The following CDH12 variants were observed in gnomAD, a reference collection of about 807,000 sequenced individuals.
CDH12 encodes the protein cadherin-12.
A neutral mutation model predicts 74.1 loss-of-function variants in CDH12; 41 were observed. The observed-to-expected ratio is 0.55, with a 90% CI of 0.43 to 0.72. CDH12 has a LOEUF of 0.72. Ranked by LOEUF, CDH12 falls within the 30% of genes least tolerant of loss-of-function variation. The pLI is 0.00. For missense variants in CDH12, 945 were observed against 977.2 expected, an observed-to-expected ratio of 0.97 and a Z score of 0.44; for synonymous variants, 399 against 355.0, an observed-to-expected ratio of 1.12 and a Z score of -1.39.
chr5:22,186,083 G>T (rs1580373428), intron 4 of CDH12, among the ~76,000 whole-genome samples: 1 of 152,148 alleles, frequency 6.6e-6, no homozygotes, highest in Admixed American at 6.5e-5. Flanking sequence ...CTCCTTAAGT[G>T]CCCTTGAGTA....
chr5:22,708,462 T>C (rs73742183), intron 1 of CDH12, among the ~76,000 whole-genome samples: 2,901 of 152,188 alleles, frequency 0.019, 86 homozygotes, highest in African/African-American at 0.066. Flanking sequence ...TGCAAAAGGA[T>C]TGACCACACT....
chr5:22,768,111 T>C (rs1202535109), intron 1 of CDH12, among the ~76,000 whole-genome samples: 1 of 152,020 alleles, frequency 6.6e-6, no homozygotes, highest in East Asian at 1.9e-4. Context: ...AGAAAGATGG[T>C]ACTCAAATCA....
intron 3 of CDH12, among the ~76,000 whole-genome samples, chr5:22,385,511 A>G (rs897090442): frequency 6.6e-6 from 1 of 152,176 alleles, no homozygotes; most frequent in Non-Finnish European, 1.5e-5. Context: ...TATTTTCACA[A>G]CCTCAACATT....
At chr5:22,685,945 T>C (rs1741774651) in intron 1 of CDH12, among the ~76,000 whole-genome samples, 1 of 152,202 alleles carries the variant, frequency 6.6e-6, no homozygotes, top group African/African-American at 2.4e-5. Context: ...GTAGTAATTA[T>C]AGTTGGCATA....
chr5:22,271,810 G>C (rs1344802432), intron 3 of CDH12, among the ~76,000 whole-genome samples: 2 of 151,590 alleles, frequency 1.3e-5, no homozygotes, highest in South Asian at 2.1e-4. Flanking sequence ...TTTCTGAGCA[G>C]TGGGTCTCAA....
intron 3 of CDH12, among the ~76,000 whole-genome samples, chr5:22,214,662 A>C (rs938990924): frequency 2.0e-5 from 3 of 152,150 alleles, no homozygotes; most frequent in Admixed American, 2.0e-4. Context: ...AAAACTTATT[A>C]AAACGTTAAG....
intron 6 of CDH12, among the ~76,000 whole-genome samples, chr5:21,908,968 T>A (rs1753753653): frequency 6.6e-6 from 1 of 152,194 alleles, no homozygotes; most frequent in Non-Finnish European, 1.5e-5. Context: ...TCTGATTTAA[T>A]GGTATTCTGG....
At chr5:22,650,959 T>C (rs1417575222) in intron 1 of CDH12, among the ~76,000 whole-genome samples, 3 of 152,054 alleles carry the variant, frequency 2.0e-5, no homozygotes, top group Non-Finnish European at 4.4e-5. Context: ...TGTAGGTTTT[T>C]ATTGTTACTA....
intron 1 of CDH12, among the ~76,000 whole-genome samples, chr5:22,602,465 G>T (rs1736897710): frequency 6.6e-6 from 1 of 152,052 alleles, no homozygotes; most frequent in South Asian, 2.1e-4. Context: ...CTTGCTTGTT[G>T]TTTTATCATT....
intron 3 of CDH12, among the ~76,000 whole-genome samples, chr5:22,403,807 G>T (rs1380561212): frequency 6.6e-6 from 1 of 152,094 alleles, no homozygotes; most frequent in Non-Finnish European, 1.5e-5. Context: ...TTCAGGCTTA[G>T]ATATCTGCAA....
At chr5:22,306,571 A>C (rs1212454922) in intron 3 of CDH12, among the ~76,000 whole-genome samples, 1 of 152,152 alleles carries the variant, frequency 6.6e-6, no homozygotes, top group Non-Finnish European at 1.5e-5. Flanking sequence ...AATATGCAAA[A>C]TGTAGCTAAT....
intron 3 of CDH12, among the ~76,000 whole-genome samples, chr5:22,263,994 C>T (rs960101172): frequency 6.6e-6 from 1 of 151,748 alleles, no homozygotes; most frequent in Non-Finnish European, 1.5e-5. Flanking sequence ...ACATACTTCC[C>T]TACCATTAGA....
intron 2 of CDH12, among the ~76,000 whole-genome samples, chr5:22,470,012 G>C (rs184573310): frequency 4.0e-4 from 61 of 152,086 alleles, no homozygotes; most frequent in Admixed American, 3.4e-3. Flanking sequence ...GAACTCTTAA[G>C]ACAAGAAAAT....
intron 6 of CDH12, among the ~76,000 whole-genome samples, chr5:21,915,885 A>T (rs1754069316): frequency 6.6e-6 from 1 of 150,386 alleles, no homozygotes; most frequent in Non-Finnish European, 1.5e-5. Context: ...GAAGTGAACA[A>T]TATAAGGGTT....
At chr5:22,400,511 A>T (rs1351704743) in intron 3 of CDH12, among the ~76,000 whole-genome samples, 6 of 152,010 alleles carry the variant, frequency 3.9e-5, no homozygotes, top group Admixed American at 3.9e-4. Flanking sequence ...CCCAGGCTGA[A>T]CCTTGAACCC....
chr5:22,728,703 G>A (rs912031330), intron 1 of CDH12, among the ~76,000 whole-genome samples: 2 of 151,884 alleles, frequency 1.3e-5, no homozygotes, highest in African/African-American at 4.8e-5. Flanking sequence ...TCTGTTAGGA[G>A]TCAGCCTCCT....
Position 22,787,206 on chromosome 5 carries a change from T to C in CDH12, c.-523+65852A>G, listed in dbSNP as rs189224823. Among the ~76,000 whole-genome samples the C allele has an allele frequency of 8.6e-3, 1,303 of 152,132 alleles. 14 individuals are homozygous for C. The highest frequency in any genetic ancestry group is 0.03 in the African/African-American group (1,239 of 41,492). ...GATTACTTGCAAACAAGAAGATATTTCCTATTCTGTTCTCTCCTCTTTTAT... is the reference window on the plus strand; with the variant it reads ...GATTACTTGCAAACAAGAAGATATTCCCTATTCTGTTCTCTCCTCTTTTAT... On this transcript the variant is annotated intron_variant, in intron 1 of 14. Coordinates refer to ENST00000382254, the MANE Select transcript of CDH12 (RefSeq NM_004061.5).
intron 5 of CDH12, among the ~76,000 whole-genome samples, chr5:22,015,184 T>C (rs181423448): frequency 6.6e-6 from 1 of 152,286 alleles, no homozygotes; most frequent in African/African-American, 2.4e-5. Context: ...ATTAGCTAAC[T>C]TTGCAGTTCT....
chr5:22,808,909 C>T (rs906780153), intron 1 of CDH12, among the ~76,000 whole-genome samples: 25 of 151,258 alleles, frequency 1.7e-4, no homozygotes, highest in Non-Finnish European at 3.2e-4. Context: ...ACCCAGCCAA[C>T]TTACATAAAT....
Sources: allele counts gnomAD v4.1 joint callset (sites outside exome capture counted in the v4.1 genomes callset), GRCh38; gene constraint gnomAD v4.1.1; transcripts MANE v1.5; gene names NCBI Gene and HGNC (gene_info 2026-07-23, HGNC 2026-07-21).